Variants in LRRC1 observed in about 807,000 individuals in gnomAD.
LRRC1 encodes leucine-rich repeat-containing protein 1.
A neutral mutation model predicts 69.9 loss-of-function variants in LRRC1; 28 were observed. The ratio of observed to expected loss-of-function variants is 0.40; its 90% confidence interval spans 0.30 to 0.55. LRRC1 has a LOEUF of 0.55. LRRC1 is among the 20% of genes least tolerant of loss of function. The probability of loss-of-function intolerance (pLI) is 0.47; values close to 1 mark genes in which losing one functional copy is unlikely to be tolerated. For synonymous variants in LRRC1, 236 were observed against 240.2 expected (o/e 0.98, Z 0.16); for missense variants, 498 against 609.0 (o/e 0.82, Z 1.92).
At position 53,897,373 on chromosome 6, in the gene LRRC1, T is replaced by C. The variant is rs1465022242; in HGVS notation, c.642+14T>C. 3.2e-6 allele frequency: 5 copies of C among 1,555,206 alleles called. No individual in the cohort carries two copies. The African/African-American group carries it at 6.8e-5, about 21-fold the overall frequency. On this transcript the variant is annotated intron_variant, in intron 7 of 13. Coordinates refer to ENST00000370888, the MANE Select transcript of LRRC1 (RefSeq NM_018214.5). ...GAATTACCTCAGGTAAGTGGTAATTTCACAGTGTCTCCCCAAAACATAAAA... is the reference window on the plus strand; with the variant it reads ...GAATTACCTCAGGTAAGTGGTAATTCCACAGTGTCTCCCCAAAACATAAAA...
chr6:53,922,951 A>C lies in LRRC1; in HGVS notation c.*158A>C. On this transcript the variant is annotated 3_prime_UTR_variant, in exon 14 of 14. Coordinates refer to ENST00000370888, the MANE Select transcript of LRRC1 (RefSeq NM_018214.5). ...GCTGCTGTCTCCCAGGAAGTGCCTT[A>C]CTCATCCCGCAACCAGTCAGCGCAC... 1 of 618,300 alleles carries C rather than the reference A, an allele frequency of 1.6e-6. No homozygotes were observed. Among genetic ancestry groups the C allele is most frequent in the Non-Finnish European group, 2.8e-6 (1 of 362,998 alleles). The allele number at this position is 618,300 out of a possible 1,614,324, so 38.3% of individuals were successfully genotyped here. A position where few individuals can be genotyped will look rare whatever the true frequency, so the allele number is the denominator to read the frequency against.
intron 1 of LRRC1, among the ~76,000 whole-genome samples, chr6:53,802,197 C>A (rs1344632549): frequency 6.6e-6 from 1 of 152,082 alleles, no homozygotes; most frequent in Non-Finnish European, 1.5e-5. Flanking sequence ...GGTGTCTATG[C>A]AGAGGTGAAG....
chr6:53,802,573 A>T (rs1764516671), intron 1 of LRRC1, among the ~76,000 whole-genome samples: 1 of 152,178 alleles, frequency 6.6e-6, no homozygotes, highest in Non-Finnish European at 1.5e-5. Context: ...ATTGGCTTGG[A>T]AGAAAGATGG....
chr6:53,915,415 A>G (rs1409619799), intron 11 of LRRC1, among the ~76,000 whole-genome samples: 1 of 152,224 alleles, frequency 6.6e-6, no homozygotes, highest in African/African-American at 2.4e-5. Flanking sequence ...CCGGAAACCC[A>G]GGATTAAATT....
chr6:53,915,145 C>T (rs1384518919), intron 11 of LRRC1, among the ~76,000 whole-genome samples: 4 of 152,092 alleles, frequency 2.6e-5, no homozygotes, highest in Admixed American at 2.0e-4. Flanking sequence ...GGAAGATTAT[C>T]AATGATCTTA....
chr6:53,842,884 G>A (rs902487542), intron 2 of LRRC1, among the ~76,000 whole-genome samples: 1 of 152,156 alleles, frequency 6.6e-6, no homozygotes, highest in Non-Finnish European at 1.5e-5. Context: ...TCCCACTATT[G>A]ATTCATTTTT....
intron 10 of LRRC1, among the ~76,000 whole-genome samples, chr6:53,907,563 AGC>A (rs1180824280): frequency 6.6e-6 from 1 of 152,142 alleles, no homozygotes; most frequent in Non-Finnish European, 1.5e-5. Context: ...CTTAATTGTT[AGC>A]TGCTTGGAAA....
intron 10 of LRRC1, among the ~76,000 whole-genome samples, chr6:53,907,751 T>TTA (rs1768286325): frequency 6.6e-6 from 1 of 151,364 alleles, no homozygotes; most frequent in African/African-American, 2.4e-5. Flanking sequence ...TTTTTTTTTT[T>TTA]AATGACTGCA....
intron 1 of LRRC1, among the ~76,000 whole-genome samples, chr6:53,806,178 T>C (rs1018151842): frequency 2.6e-5 from 4 of 152,230 alleles, no homozygotes; most frequent in Non-Finnish European, 4.4e-5. Flanking sequence ...TATCGTTGCA[T>C]TTTTATAATT....
chr6:53,887,743 C>G (rs1313315151), intron 4 of LRRC1, among the ~76,000 whole-genome samples: 1 of 152,056 alleles, frequency 6.6e-6, no homozygotes, highest in Non-Finnish European at 1.5e-5. Context: ...TTTCGTGAAC[C>G]TTTTTGCATA....
intron 2 of LRRC1, among the ~76,000 whole-genome samples, chr6:53,867,099 C>T (rs1433483537): frequency 6.6e-6 from 1 of 152,028 alleles, no homozygotes; most frequent in Non-Finnish European, 1.5e-5. Context: ...TCCCACTTAC[C>T]AGCTGTGTAA....
At chr6:53,919,804 C>A in intron 12 of LRRC1, 134 bp downstream of exon 12, 1 of 702,682 alleles carries the variant, frequency 1.4e-6, no homozygotes, top group Non-Finnish European at 2.2e-6. Flanking sequence ...TCAGGTGAGG[C>A]CACTGTGGGA....
intron 2 of LRRC1, among the ~76,000 whole-genome samples, chr6:53,877,395 A>G (rs1767108841): frequency 6.6e-6 from 1 of 152,164 alleles, no homozygotes; most frequent in African/African-American, 2.4e-5. Context: ...AGGGATTAAC[A>G]TTCAGCTTCT....
chr6:53,912,597 G>T (rs904080841), intron 10 of LRRC1, among the ~76,000 whole-genome samples: 4 of 152,006 alleles, frequency 2.6e-5, no homozygotes, highest in African/African-American at 7.2e-5. Context: ...GTTAAATATT[G>T]TGGTTCAATA....
At chr6:53,830,945 A>AG (rs1562034503) in intron 1 of LRRC1, among the ~76,000 whole-genome samples, 2 of 4,742 alleles carry the variant, frequency 4.2e-4, no homozygotes, top group South Asian at 8.3e-3. Context: ...AGTTATTATA[A>AG]TTTTATATAT....
chr6:53,830,154 T>C (rs1313743478), intron 1 of LRRC1, among the ~76,000 whole-genome samples: 1 of 152,234 alleles, frequency 6.6e-6, no homozygotes, highest in South Asian at 2.1e-4. Context: ...CTGCACATTC[T>C]TATATTAGAC....
At chr6:53,914,067 A>G (rs2820216) in intron 11 of LRRC1, 98 bp downstream of exon 11, 111,283 of 771,756 alleles carry the variant, frequency 0.14, 8,790 homozygotes, top group African/African-American at 0.18. Flanking sequence ...GCTTTATCTT[A>G]CAGAATATAA....
chr6:53,919,957 A>C (rs969220825), intron 12 of LRRC1, among the ~76,000 whole-genome samples: 3 of 152,252 alleles, frequency 2.0e-5, no homozygotes, highest in African/African-American at 7.2e-5. Context: ...GTGGTAACAG[A>C]GTCTCTTAAA....
In LRRC1 at chr6:53,882,973, G is replaced by A. The variant is rs939412003; in HGVS notation, c.443G>A (p.Gly148Asp). The A allele has an allele frequency of 1.9e-6, 3 of 1,603,462 alleles. No individual in the cohort carries two copies. Among genetic ancestry groups the A allele is most frequent in the African/African-American group, 1.3e-5 (1 of 74,444 alleles). ...CTACAGTCTCTACCTGAAAATATTG[G>A]CAAGTAAGTTTTTTTGTGAAGTTTG... ...ISLQSLPENI[G>D]NLYNLASLEL... Residue 148 changes from glycine to aspartate, a missense_variant, in exon 4 of 14, where the codon GGC becomes GAC. Physicochemically the swap from Gly to Asp is moderately conservative, Grantham distance 94. Transcript: ENST00000370888.
Sources: allele counts gnomAD v4.1 joint callset (sites outside exome capture counted in the v4.1 genomes callset), GRCh38; gene constraint gnomAD v4.1.1; transcripts MANE v1.5; gene names NCBI Gene and HGNC (gene_info 2026-07-23, HGNC 2026-07-21).